The following KIF16B variants were observed in gnomAD, a reference collection of about 807,000 sequenced individuals.
KIF16B encodes the protein kinesin-like protein KIF16B.
In KIF16B, 98 loss-of-function variants were observed where a neutral mutation model predicts 156.3. The ratio of observed to expected loss-of-function variants is 0.63; its 90% CI spans 0.53 to 0.74. KIF16B has a LOEUF of 0.74. Ranked by LOEUF, KIF16B falls within the 30% of genes least tolerant of loss-of-function variation. The pLI is 0.00. For missense variants in KIF16B, 1,421 were observed against 1,606.5 expected, an observed-to-expected ratio of 0.88 and a Z score of 1.97; for synonymous variants, 564 against 583.7, an observed-to-expected ratio of 0.97 and a Z score of 0.49.
rs2068492044 is a variant in KIF16B, at chr20:16,497,662, G to C, written c.1193C>G (p.Ser398Cys). The change falls in exon 11 of 26, where the codon TCC becomes TGC. Residue 398 changes from serine to cysteine, a missense_variant. Coordinates refer to ENST00000354981, the MANE Select transcript of KIF16B (RefSeq NM_024704.5). ...TTCCTCCATACTTAAAGCTGTGGGG[G>C]AGTCTAAGAGGGCAATCTACAATAT... ...AQGNQIALLD[S>C]PTALSMEEKL... The C allele has an allele frequency of 6.2e-7, 1 of 1,609,868 alleles. No homozygotes were observed. The highest frequency in any genetic ancestry group is 8.5e-7 in the Non-Finnish European group (1 of 1,176,554).
intron 15 of KIF16B, among the ~76,000 whole-genome samples, chr20:16,419,836 G>A (rs1325295130): frequency 6.6e-6 from 1 of 152,108 alleles, no homozygotes; most frequent in African/African-American, 2.4e-5. Flanking sequence ...GCATCTGACT[G>A]TTGTATCATT....
At chr20:16,469,154 A>G (rs1038926964) in intron 12 of KIF16B, among the ~76,000 whole-genome samples, 1 of 148,680 alleles carries the variant, frequency 6.7e-6, no homozygotes, top group Non-Finnish European at 1.5e-5. Context: ...TGGGAAGCTG[A>G]GGCAGGAGGA....
At chr20:16,439,171 C>T (rs908415392) in intron 12 of KIF16B, among the ~76,000 whole-genome samples, 11 of 152,092 alleles carry the variant, frequency 7.2e-5, no homozygotes, top group East Asian at 1.9e-4. Context: ...GAGCTCTACC[C>T]GCATGATATG....
intron 12 of KIF16B, among the ~76,000 whole-genome samples, chr20:16,483,656 T>C (rs575736466): frequency 6.6e-6 from 1 of 152,274 alleles, no homozygotes; most frequent in South Asian, 2.1e-4. Context: ...GGAACTACTA[T>C]TGTTGGCATC....
intron 12 of KIF16B, among the ~76,000 whole-genome samples, chr20:16,478,063 G>A (rs995644530): frequency 6.6e-6 from 1 of 152,126 alleles, no homozygotes; most frequent in African/African-American, 2.4e-5. Context: ...TGACTGGGAT[G>A]GCAAGTTTAT....
At chr20:16,507,031 T>C (rs374246300) in intron 7 of KIF16B, among the ~76,000 whole-genome samples, 33 of 149,340 alleles carry the variant, frequency 2.2e-4, no homozygotes, top group African/African-American at 7.6e-4. Context: ...AGCCCAGAGG[T>C]TGAGACTGCA....
intron 25 of KIF16B, among the ~76,000 whole-genome samples, chr20:16,290,135 A>G (rs1054052462): frequency 2.6e-5 from 4 of 152,238 alleles, no homozygotes; most frequent in Non-Finnish European, 5.9e-5. Flanking sequence ...TGACTGCTCC[A>G]AACGACCAAT....
In KIF16B at chr20:16,273,132, T is replaced by C. The variant is rs1286891726; in HGVS notation, c.*121A>G. ...ACGTGAGGTGGCCCGGGCCCGCTGC[T>C]GCATGTCTGTCTTCAGCAGGAGGAG... On this transcript the variant is annotated 3_prime_UTR_variant, in exon 26 of 26. Coordinates refer to ENST00000354981, the MANE Select transcript of KIF16B (RefSeq NM_024704.5). 4 of 827,648 alleles carry C rather than the reference T, an allele frequency of 4.8e-6. No individual in the cohort carries two copies. Among genetic ancestry groups the C allele is most frequent in the Non-Finnish European group, 8.0e-6 (4 of 500,100 alleles). The allele number at this position is 827,648 out of a possible 1,614,324, so 51.3% of individuals were successfully genotyped here. A position where few individuals can be genotyped will look rare whatever the true frequency, so the allele number is the denominator to read the frequency against.
intron 24 of KIF16B, among the ~76,000 whole-genome samples, chr20:16,329,486 C>T (rs1015801541): frequency 2.0e-5 from 3 of 152,096 alleles, no homozygotes; most frequent in South Asian, 4.1e-4. Context: ...AGAAATTATT[C>T]GCATGATAAA....
rs2065027119 is a variant in KIF16B, at chr20:16,379,199, G to A, written c.2803C>T (p.Pro935Ser). The change falls in exon 19 of 26, where the codon CCT (proline) becomes TCT (serine). Residue 935 changes from proline (P) to serine (S), a missense_variant. Transcript: ENST00000354981. ...QRAFEILDRG[P>S]LSLDNTLYQV... ...TAAAGAGTGTTGTCTAAGCTGAGAG[G>A]GCCTCTGTCAAGAATTTCAAATGCT... 1.9e-6 allele frequency: 3 copies of A among 1,613,854 alleles called. No homozygotes were observed. The highest frequency in any genetic ancestry group is 1.3e-5 in the African/African-American group (1 of 74,854).
At position 16,511,415 on chromosome 20, in the gene KIF16B, T is replaced by C. The variant is rs375148069; in HGVS notation, c.556+3A>G. 1.1e-5 allele frequency: 17 copies of C among 1,525,190 alleles called. No homozygotes were observed. Among genetic ancestry groups the C allele is most frequent in the Middle Eastern group, 1.7e-4 (1 of 5,866 alleles). The allele number at this position is 1,525,190 out of a possible 1,614,324, so 94.5% of individuals were successfully genotyped here. Reference sequence around the variant, plus strand: ...AATATGGCTGTGAAATATCTACTCTTACCCTCAACATAAGGGCCTTCTTTG... The same window carrying C: ...AATATGGCTGTGAAATATCTACTCTCACCCTCAACATAAGGGCCTTCTTTG... On this transcript the variant is annotated splice_donor_region_variant and intron_variant, in intron 6 of 25. Coordinates refer to ENST00000354981, the MANE Select transcript of KIF16B (RefSeq NM_024704.5).
chr20:16,529,840 A>G (rs1318547506), intron 1 of KIF16B, among the ~76,000 whole-genome samples: 1 of 152,112 alleles, frequency 6.6e-6, no homozygotes, highest in African/African-American at 2.4e-5. Context: ...AATCCCAGCT[A>G]CTCGGGAGGC....
At chr20:16,532,192 C>T (rs201078192) in intron 1 of KIF16B, among the ~76,000 whole-genome samples, 3 of 138,040 alleles carry the variant, frequency 2.2e-5, no homozygotes, top group African/African-American at 8.1e-5. Flanking sequence ...ACTTAAAAAA[C>T]CTTTTAGAGA....
chr20:16,409,967 A>ATATATGTAGG (rs1555877397), intron 15 of KIF16B, among the ~76,000 whole-genome samples: 4 of 30,120 alleles, frequency 1.3e-4, no homozygotes, highest in East Asian at 1.6e-3. Context: ...ATATATATAT[A>ATATATGTAGG]TACATATATA....
At chr20:16,303,684 T>G (rs916626629) in intron 25 of KIF16B, among the ~76,000 whole-genome samples, 2 of 152,238 alleles carry the variant, frequency 1.3e-5, no homozygotes, top group Non-Finnish European at 2.9e-5. Context: ...ATGAAGCATC[T>G]GGAATCCTGT....
chr20:16,542,079 C>T (rs1220196733), intron 1 of KIF16B, among the ~76,000 whole-genome samples: 1 of 152,224 alleles, frequency 6.6e-6, no homozygotes, highest in Non-Finnish European at 1.5e-5. Context: ...GCATTCACCA[C>T]TACACCAACT....
chr20:16,448,855 GA>G (rs2067003665), intron 12 of KIF16B, among the ~76,000 whole-genome samples: 1 of 148,870 alleles, frequency 6.7e-6, no homozygotes, highest in African/African-American at 2.5e-5. Flanking sequence ...ATGACCTTAA[GA>G]AAAACAGATA....
At position 16,440,533 on chromosome 20, in the gene KIF16B, GCACACACACACACACA is replaced by G. The variant is rs71192333; in HGVS notation, c.1303-10567_1303-10552del. 2.9e-3 allele frequency among the ~76,000 whole-genome samples: 403 copies of G among 138,350 alleles called. 4 individuals carry two copies. The highest frequency in any genetic ancestry group is 8.3e-3 in the African/African-American group (310 of 37,456). 90.8% of individuals were successfully genotyped at this position (138,350 alleles called of 152,430 possible). ...CTATGGTTAAAACACACAAGCGCGC[GCACACACACACACACA>G]CACACACACACACACACACACACAC... On this transcript the variant is annotated intron_variant, in intron 12 of 25. Coordinates refer to ENST00000354981, the MANE Select transcript of KIF16B (RefSeq NM_024704.5).
chr20:16,467,199 G>A (rs2067515398), intron 12 of KIF16B, among the ~76,000 whole-genome samples: 1 of 152,160 alleles, frequency 6.6e-6, no homozygotes, highest in Non-Finnish European at 1.5e-5. Context: ...TGATGGCCAG[G>A]GCAGGGAGAG....
Sources: gnomAD v4.1 joint callset for allele counts (sites outside exome capture counted in the v4.1 genomes callset) on GRCh38, gnomAD v4.1.1 for gene constraint, MANE v1.5 for transcripts, NCBI Gene and HGNC (gene_info 2026-07-23, HGNC 2026-07-21) for gene names.